MED28: variants seen among roughly 807,000 people sequenced by gnomAD.
MED28 encodes the protein mediator complex subunit 28.
Under a neutral mutation model 21.3 loss-of-function variants are expected in MED28, and 26 were observed. The ratio of observed to expected loss-of-function variants is 1.22; its 90% CI spans 0.89 to 1.69. MED28 has a LOEUF of 1.69. Among genes scored for constraint, MED28 ranks in the 40% most tolerant of loss-of-function variants. The pLI is 0.00. For missense variants in MED28, 257 were observed against 215.4 expected (o/e 1.19, Z -1.21); for synonymous variants, 110 against 87.6 (o/e 1.26, Z -1.43).
rs1404957575 is a variant in MED28 at position 17,625,441 on chromosome 4, A to T, written c.*1643A>T. Reference sequence around the variant, plus strand: ...TCACTCATGGTAATTAGAAACTCTGATTGGCAGCTTTGTATTTCTTGACTA... The same window carrying T: ...TCACTCATGGTAATTAGAAACTCTGTTTGGCAGCTTTGTATTTCTTGACTA... On this transcript the variant is annotated 3_prime_UTR_variant, in exon 4 of 4. Transcript: ENST00000237380. The T allele has an allele frequency of 8.0e-6, 2 of 249,682 alleles. No individual in the cohort carries two copies. The highest frequency in any genetic ancestry group is 1.6e-5 in the Non-Finnish European group (2 of 126,338). 15.5% of individuals were successfully genotyped at this position (249,682 alleles called of 1,614,324 possible).
At chr4:17,615,473 A>G (rs960334031) in intron 1 of MED28, among the ~76,000 whole-genome samples, 1 of 152,214 alleles carries the variant, frequency 6.6e-6, no homozygotes, top group Non-Finnish European at 1.5e-5. Context: ...CTGTGTAGTA[A>G]TAAAGTAATG....
rs1392110936 is a variant in MED28, at chr4:17,630,651, AAAAC to A, written c.*6855_*6858del. 9 of 152,232 alleles carry A rather than the reference AAAAC, an allele frequency of 5.9e-5. No homozygotes were observed. The highest frequency in any genetic ancestry group is 1.3e-4 in the Non-Finnish European group (9 of 68,044). The allele number at this position is 152,232 out of a possible 1,614,324, so 9.4% of individuals were successfully genotyped here. The stretch of plus-strand genomic sequence containing the variant: ...ACTCACAAAAAATATTTGGTAGTGA[AAAAC>A]AGTATGGTGTGTTAATGTATGGTGA... On this transcript the variant is annotated 3_prime_UTR_variant, in exon 4 of 4. Transcript: ENST00000237380.
rs559367487 is a variant in MED28 at position 17,630,376 on chromosome 4, A to G, written c.*6578A>G. The G allele has an allele frequency of 3.8e-4, 58 of 152,246 alleles. No homozygotes were observed. Among genetic ancestry groups the G allele is most frequent in the African/African-American group, 1.3e-3 (56 of 41,544 alleles). The allele number at this position is 152,246 out of a possible 1,614,324, so 9.4% of individuals were successfully genotyped here. A position where few individuals can be genotyped will look rare whatever the true frequency, so the allele number is the denominator to read the frequency against. On this transcript the variant is annotated 3_prime_UTR_variant, in exon 4 of 4. Coordinates refer to ENST00000237380, the MANE Select transcript of MED28 (RefSeq NM_025205.5). ...GAGTCATGAGGGCTTCACCCTCATG[A>G]GTAGGATAAGTACCCTTACAAAAGA... is the stretch of plus-strand genomic sequence containing the variant.
In MED28 at chr4:17,619,912, A is replaced by C; in HGVS notation, c.171A>C (p.Ala57=). 1 of 1,614,108 alleles carries C rather than the reference A, an allele frequency of 6.2e-7. No homozygotes were observed. The highest frequency in any genetic ancestry group is 8.5e-7 in the Non-Finnish European group (1 of 1,180,000). Residue 57 remains alanine, a synonymous_variant, in exon 2 of 4, where the codon GCA becomes GCC. Coordinates refer to ENST00000237380, the MANE Select transcript of MED28 (RefSeq NM_025205.5). ...TTTTGATTACACAGGCTTGCTTTGC[A>C]TCTCTGGTGAGTCAGGACTATGTCA... The part of the protein sequence containing the change: ...ELESSFEACF[A]SLVSQDYVNG...
chr4:17,623,308 G>A (rs1322634804), intron 3 of MED28, among the ~76,000 whole-genome samples: 1 of 151,192 alleles, frequency 6.6e-6, no homozygotes, highest in African/African-American at 2.4e-5. Flanking sequence ...GGTTGAGGCA[G>A]GAGAATCACT....
intron 1 of MED28, among the ~76,000 whole-genome samples, chr4:17,617,899 C>T (rs1478518435): frequency 6.6e-6 from 1 of 151,330 alleles, no homozygotes; most frequent in Non-Finnish European, 1.5e-5. Context: ...GAGTGAGACT[C>T]CATCTCAAAA....
chr4:17,619,196 T>G (rs1714545757), intron 1 of MED28, among the ~76,000 whole-genome samples: 1 of 152,208 alleles, frequency 6.6e-6, no homozygotes, highest in African/African-American at 2.4e-5. Flanking sequence ...CTTGGCTGAT[T>G]CACATTTGCA....
chr4:17,618,301 C>T (rs982808867), intron 1 of MED28, among the ~76,000 whole-genome samples: 16 of 152,100 alleles, frequency 1.1e-4, no homozygotes, highest in African/African-American at 2.9e-4. Context: ...GCCACCATGT[C>T]GGACCCTAAA....
Position 17,630,153 on chromosome 4 carries a change from A to AAAGT in MED28, c.*6356_*6359dup, listed in dbSNP as rs1714880684. Reference sequence around the variant, plus strand: ...ATGCTGAGTTTAAGGACAGAAATGCAAAGTGCAGCCTGGGAAAGTGTTTCA... The same window carrying AAAGT: ...ATGCTGAGTTTAAGGACAGAAATGCAAAGTAAGTGCAGCCTGGGAAAGTGTTTCA... On this transcript the variant is annotated 3_prime_UTR_variant, in exon 4 of 4. Coordinates refer to ENST00000237380, the MANE Select transcript of MED28 (RefSeq NM_025205.5). 1 of 152,210 alleles carries AAAGT rather than the reference A, an allele frequency of 6.6e-6. No homozygotes were observed. Among genetic ancestry groups the AAAGT allele is most frequent in the Non-Finnish European group, 1.5e-5 (1 of 68,026 alleles). 9.4% of individuals were successfully genotyped at this position (152,210 alleles called of 1,614,324 possible). A position where few individuals can be genotyped will look rare whatever the true frequency, so the allele number is the denominator to read the frequency against.
rs202204291 is a variant in MED28, at chr4:17,614,729, C to G, written c.75C>G (p.Gly25=). 17 of 1,614,136 alleles carry G rather than the reference C, an allele frequency of 1.1e-5. No individual in the cohort carries two copies. Among genetic ancestry groups the G allele is most frequent in the Non-Finnish European group, 1.4e-5 (17 of 1,180,050 alleles). ...GPPQAPPGLP[G]QASLLQAAPG... ...CTCAGGCCCCGCCGGGCCTTCCGGG[C>G]CAAGCTTCGCTTCTTCAGGCAGCTC... Residue 25 remains glycine, a synonymous_variant, in exon 1 of 4, where the codon GGC becomes GGG. Coordinates refer to ENST00000237380, the MANE Select transcript of MED28 (RefSeq NM_025205.5).
Position 17,614,890 on chromosome 4 carries a change from C to G in MED28, c.159+77C>G. The G allele has an allele frequency of 3.4e-6, 5 of 1,470,414 alleles. No homozygotes were observed. The South Asian group carries it at 6.8e-5, about 20-fold the overall frequency. 91.1% of individuals were successfully genotyped at this position (1,470,414 alleles called of 1,614,324 possible). A position where few individuals can be genotyped will look rare whatever the true frequency, so the allele number is the denominator to read the frequency against. On this transcript the variant is annotated intron_variant, in intron 1 of 3. Transcript: ENST00000237380. Reference sequence around the variant, plus strand: ...CGTGAACTGCGCGTACGCGTATCTCCTCCAGGGATCCGAGCAACTAATTCA... The same window carrying G: ...CGTGAACTGCGCGTACGCGTATCTCGTCCAGGGATCCGAGCAACTAATTCA...
rs927314610 is a variant in MED28, at chr4:17,625,221, A to T, written c.*1423A>T. ...TCTGCCCCTCACTAATTCTACACCC[A>T]TGAGAATTAGACATTATTCTCCTTA... On this transcript the variant is annotated 3_prime_UTR_variant, in exon 4 of 4. Transcript: ENST00000237380. The T allele has an allele frequency of 2.6e-5, 4 of 153,620 alleles. No individual in the cohort carries two copies. The highest frequency in any genetic ancestry group is 9.7e-5 in the African/African-American group (4 of 41,444). 9.5% of individuals were successfully genotyped at this position (153,620 alleles called of 1,614,324 possible). A position where few individuals can be genotyped will look rare whatever the true frequency, so the allele number is the denominator to read the frequency against.
At position 17,632,004 on chromosome 4, in the gene MED28, T is replaced by C. The variant is rs1714960462; in HGVS notation, c.*8206T>C. Reference sequence around the variant, plus strand: ...GGTCATTAGTAACGCTAATAACATTTTCCTATAGATGACTTTTAATAACAC... The same window carrying C: ...GGTCATTAGTAACGCTAATAACATTCTCCTATAGATGACTTTTAATAACAC... On this transcript the variant is annotated 3_prime_UTR_variant, in exon 4 of 4. Transcript: ENST00000237380. 1 of 151,452 alleles carries C rather than the reference T, an allele frequency of 6.6e-6. No individual in the cohort carries two copies. Among genetic ancestry groups the C allele is most frequent in the Non-Finnish European group, 1.5e-5 (1 of 67,950 alleles). 9.4% of individuals were successfully genotyped at this position (151,452 alleles called of 1,614,324 possible).
rs917053605 is a variant in MED28, at chr4:17,627,265, T to G, written c.*3467T>G. Reference sequence around the variant, plus strand: ...ACCGCGCCCAGCCTTAATTTTTGTATTTTTAATGGAGATGGGGTTTTGCCA... The same window carrying G: ...ACCGCGCCCAGCCTTAATTTTTGTAGTTTTAATGGAGATGGGGTTTTGCCA... On this transcript the variant is annotated 3_prime_UTR_variant, in exon 4 of 4. Transcript: ENST00000237380. The G allele has an allele frequency of 2.6e-5, 4 of 152,062 alleles. No homozygotes were observed. Among genetic ancestry groups the G allele is most frequent in the African/African-American group, 9.7e-5 (4 of 41,266 alleles). 9.4% of individuals were successfully genotyped at this position (152,062 alleles called of 1,614,324 possible).
rs535874372 is a variant in MED28, at chr4:17,622,097, G to C, written c.339+398G>C. 7.2e-5 allele frequency among the ~76,000 whole-genome samples: 11 copies of C among 152,342 alleles called. No individual in the cohort carries two copies. In the South Asian group the frequency reaches 2.3e-3, roughly 32 times the overall value. On this transcript the variant is annotated intron_variant, in intron 3 of 3. Transcript: ENST00000237380. ...CAGGAATCCAAGGAATCAAAAAGTA[G>C]TGTTCGACCCAGGTTCCTGGAAACT...
chr4:17,619,810 G>C, intron 1 of MED28, 91 bp from the exon 2 acceptor site: 1 of 1,109,944 alleles, frequency 9.0e-7, no homozygotes. Context: ...CACCTCATCA[G>C]ATGACTTCAG....
In MED28 at chr4:17,631,978, G is replaced by C. The variant is rs1244491193; in HGVS notation, c.*8180G>C. 3 of 150,214 alleles carry C rather than the reference G, an allele frequency of 2.0e-5. No homozygotes were observed. Among genetic ancestry groups the C allele is most frequent in the African/African-American group, 4.9e-5 (2 of 40,664 alleles). The allele number at this position is 150,214 out of a possible 1,614,324, so 9.3% of individuals were successfully genotyped here. Reference sequence around the variant, plus strand: ...TATGGACACTAGAAATACAAGGTATGGGTCATTAGTAACGCTAATAACATT... The same window carrying C: ...TATGGACACTAGAAATACAAGGTATCGGTCATTAGTAACGCTAATAACATT... On this transcript the variant is annotated 3_prime_UTR_variant, in exon 4 of 4. Coordinates refer to ENST00000237380, the MANE Select transcript of MED28 (RefSeq NM_025205.5).
In MED28 at chr4:17,633,352, T is replaced by G. The variant is rs1383326905; in HGVS notation, c.*9554T>G. The G allele has an allele frequency of 1.0e-5, 2 of 191,436 alleles. No homozygotes were observed. Among genetic ancestry groups the G allele is most frequent in the African/African-American group, 4.6e-5 (2 of 43,024 alleles). The allele number at this position is 191,436 out of a possible 1,614,324, so 11.9% of individuals were successfully genotyped here. On this transcript the variant is annotated 3_prime_UTR_variant, in exon 4 of 4. Transcript: ENST00000237380. Reference sequence around the variant, plus strand: ...TAAGCACATCCTATGGATTAATTCCTTTAGTCTCACGTCAGTCTGATGAGA... The same window carrying G: ...TAAGCACATCCTATGGATTAATTCCGTTAGTCTCACGTCAGTCTGATGAGA...
At position 17,632,473 on chromosome 4, in the gene MED28, C is replaced by A; in HGVS notation, c.*8675C>A. ...GTTGGTGTTAGTTCATTCCTTCAAT[C>A]GGATGATTTAAAATAAATGTTTTTC... On this transcript the variant is annotated 3_prime_UTR_variant, in exon 4 of 4. Coordinates refer to ENST00000237380, the MANE Select transcript of MED28 (RefSeq NM_025205.5). The A allele has an allele frequency of 7.4e-7, 1 of 1,347,124 alleles. No homozygotes were observed. The highest frequency in any genetic ancestry group is 2.5e-5 in the East Asian group (1 of 39,502). 83.4% of individuals were successfully genotyped at this position (1,347,124 alleles called of 1,614,324 possible). A position where few individuals can be genotyped will look rare whatever the true frequency, so the allele number is the denominator to read the frequency against.
Sources: allele counts gnomAD v4.1 joint callset (sites outside exome capture counted in the v4.1 genomes callset), GRCh38; gene constraint gnomAD v4.1.1; transcripts MANE v1.5; gene names NCBI Gene and HGNC (gene_info 2026-07-23, HGNC 2026-07-21).